ARMCX4: variants seen among roughly 807,000 people sequenced by gnomAD.
ARMCX4 encodes the protein armadillo repeat containing X-linked 4, also known as armadillo repeat-containing X-linked protein 4.
A neutral mutation model predicts 34.7 loss-of-function variants in ARMCX4; 3 were observed. The ratio of observed to expected loss-of-function variants is 0.09; its 90% CI spans 0.04 to 0.22. The LOEUF is 0.22. ARMCX4 is among the 10% of genes least tolerant of loss of function. The pLI is 1.00. For missense variants in ARMCX4, 1,448 were observed against 1,720.8 expected (o/e 0.84, Z 2.81); for synonymous variants, 513 against 632.8 (o/e 0.81, Z 2.84).
chrX:101,430,987 A>G (rs782356529), intron 2 of ARMCX4, among the ~76,000 whole-genome samples: 1 of 111,182 alleles, frequency 9.0e-6, no homozygotes, highest in Non-Finnish European at 1.9e-5. Context: ...ATTAACTGCC[A>G]GGAGGATTCC....
rs1556009218 is a variant in ARMCX4 at position 101,491,589 on chromosome X, C to T, written c.3000C>T (p.Thr1000=). Residue 1000 remains threonine (T), a synonymous_variant, in exon 6 of 6, where the codon ACC becomes ACT. Transcript: ENST00000423738. ...PQAVANSQSE[T]LLGARNKVKG... ...CTGTCGCTAATTCCCAGAGTGAGAC[C>T]TTGCTTGGTGCCAGGAATAAGGTCA... is the stretch of plus-strand genomic sequence containing the variant. 1.8e-5 allele frequency: 21 copies of T among 1,155,827 alleles called. No individual in the cohort carries two copies. In the Middle Eastern group the frequency reaches 1.2e-3, roughly 64 times the overall value.
chrX:101,515,414 T>TCCCTTC (rs1934707976), intron 11 of ARMCX4, among the ~76,000 whole-genome samples: 5 of 12,326 alleles, frequency 4.1e-4, no homozygotes, highest in African/African-American at 1.3e-3. Flanking sequence ...TCCCTCCCTC[T>TCCCTTC]CTTCCTTCCT....
rs1219059199 is a variant in ARMCX4, at chrX:101,490,672, G to A, written c.2083G>A (p.Val695Met). ...KNKVKGNSNAVSKAGAGTDTT... is the reference protein window; with the variant it reads ...KNKVKGNSNAMSKAGAGTDTT... Reference sequence around the variant, plus strand: ...TAAGGTCAAGGGTAATTCCAATGCTGTGTCTAAGGCAGGGGCTGGGACAGA... The same window carrying A: ...TAAGGTCAAGGGTAATTCCAATGCTATGTCTAAGGCAGGGGCTGGGACAGA... Residue 695 changes from valine to methionine, a missense_variant, in exon 6 of 6, where the codon GTG (valine) becomes ATG (methionine). Val to Met is a conservative substitution (Grantham distance 21). Transcript: ENST00000423738. 1 of 1,155,241 alleles carries A rather than the reference G, an allele frequency of 8.7e-7. No individual in the cohort carries two copies. The highest frequency in any genetic ancestry group is 1.9e-5 in the South Asian group (1 of 52,711).
intron 11 of ARMCX4, among the ~76,000 whole-genome samples, chrX:101,530,458 A>G (rs1263385167): frequency 1.8e-5 from 2 of 111,693 alleles, no homozygotes; most frequent in Non-Finnish European, 3.8e-5. Context: ...CGTTGTGCAC[A>G]TGTACCCTAA....
chrX:101,457,933 G>A (rs781828237), intron 4 of ARMCX4, among the ~76,000 whole-genome samples: 22 of 109,957 alleles, frequency 2.0e-4, no homozygotes, highest in Admixed American at 3.9e-4. Flanking sequence ...GTAGAGACGG[G>A]GTTTCACCAC....
At chrX:101,516,542 C>T (rs1458460680) in intron 11 of ARMCX4, 2 of 111,541 alleles carry the variant, frequency 1.8e-5, no homozygotes, top group African/African-American at 3.3e-5. Flanking sequence ...ACAAATGTGT[C>T]GTGTTATTAG....
At position 101,485,514 on chromosome X, in the gene ARMCX4, C is replaced by A. The variant is rs988114709; in HGVS notation, c.-453C>A. On this transcript the variant is annotated 5_prime_UTR_variant, in exon 1 of 6. Coordinates refer to ENST00000423738, the MANE Select transcript of ARMCX4 (RefSeq NM_001256155.3). ...GCGCTCGGCGGGCTGGCATCGGGCC[C>A]GGGGAAAGCGGAGCAGGTAAGGGCC... The A allele has an allele frequency of 6.2e-5, 40 of 642,697 alleles. No homozygotes were observed. Among genetic ancestry groups the A allele is most frequent in the Admixed American group, 8.6e-5 (1 of 11,599 alleles). The allele number at this position is 642,697 out of a possible 1,213,427, so 53.0% of individuals were successfully genotyped here.
At chrX:101,503,530 T>C (rs1485599834) in intron 7 of ARMCX4, among the ~76,000 whole-genome samples, 1 of 112,433 alleles carries the variant, frequency 8.9e-6, no homozygotes, top group African/African-American at 3.2e-5. Flanking sequence ...ATTTCTCTGA[T>C]GGCCAGTGGT....
intron 7 of ARMCX4, among the ~76,000 whole-genome samples, chrX:101,502,616 A>G (rs1487165080): frequency 9.0e-6 from 1 of 111,222 alleles, no homozygotes. Context: ...CAGGTAGAGC[A>G]GATCCTCTAT....
intron 2 of ARMCX4, among the ~76,000 whole-genome samples, chrX:101,439,489 C>T (rs868960416): frequency 6.3e-5 from 7 of 111,107 alleles, no homozygotes; most frequent in Non-Finnish European, 1.1e-4. Context: ...ATCTTTGTGG[C>T]GTTCTCTGTA....
downstream of ARMCX4, among the ~76,000 whole-genome samples, chrX:101,446,498 A>G (rs1353981168): frequency 8.9e-6 from 1 of 111,949 alleles, no homozygotes; most frequent in Non-Finnish European, 1.9e-5. Context: ...AATTTGTTTG[A>G]AAGTCCCTTA....
intron 4 of ARMCX4, among the ~76,000 whole-genome samples, chrX:101,477,073 A>G (rs1933222095): frequency 9.0e-6 from 1 of 111,518 alleles, no homozygotes; most frequent in Non-Finnish European, 1.9e-5. Context: ...AATGGATCAT[A>G]TATTAATAAA....
intron 4 of ARMCX4, among the ~76,000 whole-genome samples, chrX:101,479,381 C>T (rs1274831528): frequency 9.4e-6 from 1 of 106,680 alleles, no homozygotes; most frequent in Admixed American, 1.0e-4. Flanking sequence ...TCCTGAAGAG[C>T]ACAAAAGAGG....
chrX:101,435,311 C>A (rs1207567465), intron 2 of ARMCX4, among the ~76,000 whole-genome samples: 1 of 111,621 alleles, frequency 9.0e-6, no homozygotes, highest in Non-Finnish European at 1.9e-5. Context: ...TGTTTCCTGA[C>A]TTTTTAATGA....
At position 101,488,649 on chromosome X, in the gene ARMCX4, C is replaced by G. The variant is rs1556007571; in HGVS notation, c.60C>G (p.Thr20=). The change falls in exon 6 of 6, where the codon ACC becomes ACG. Residue 20 remains threonine (T), a synonymous_variant. Coordinates refer to ENST00000423738, the MANE Select transcript of ARMCX4 (RefSeq NM_001256155.3). ...CAGGACTGGTGATCTGGGCTGGCAC[C>G]TGCTACTACATTTACAAATTTACCA... ...VTAGLVIWAG[T]CYYIYKFTKG... is the part of the protein sequence containing the mutation. 8.6e-7 allele frequency: 1 copy of G among 1,156,123 alleles called. No homozygotes were observed. The highest frequency in any genetic ancestry group is 3.2e-5 in the East Asian group (1 of 30,815).
At chrX:101,528,269 G>A (rs902900262) in intron 11 of ARMCX4, among the ~76,000 whole-genome samples, 18 of 111,778 alleles carry the variant, frequency 1.6e-4, no homozygotes, top group African/African-American at 4.2e-4. Context: ...AAAGGCCTTC[G>A]ATAAAATTCA....
intron 4 of ARMCX4, among the ~76,000 whole-genome samples, chrX:101,456,064 T>C (rs5991938): frequency 0.22 from 24,115 of 110,897 alleles, 2,004 homozygotes; most frequent in East Asian, 0.44. Context: ...CAGTCCACCG[T>C]TGGTGGGCGG....
chrX:101,515,386 T>TTTCTTTCTTTCTTTCTTTCTTTCC (rs1934700297), intron 11 of ARMCX4, among the ~76,000 whole-genome samples: 1 of 28,934 alleles, frequency 3.5e-5, no homozygotes, highest in Non-Finnish European at 7.0e-5. Context: ...TTTCTTTTTC[T>TTTCTTTCTTTCTTTCTTTCTTTCC]TTCTTTCCCT....
intron 4 of ARMCX4, among the ~76,000 whole-genome samples, chrX:101,457,900 G>A (rs1932385976): frequency 9.1e-6 from 1 of 109,851 alleles, no homozygotes; most frequent in African/African-American, 3.3e-5. Context: ...GCACCACCAT[G>A]CCCGGCTATT....
Sources: gnomAD v4.1 joint callset for allele counts (sites outside exome capture counted in the v4.1 genomes callset) on GRCh38, gnomAD v4.1.1 for gene constraint, MANE v1.5 for transcripts, NCBI Gene and HGNC (gene_info 2026-07-23, HGNC 2026-07-21) for gene names.